Variants in HP1BP3 observed in about 807,000 individuals in gnomAD.
HP1BP3 encodes heterochromatin protein 1-binding protein 3.
A neutral mutation model predicts 62.5 loss-of-function variants in HP1BP3; 12 were observed. That is an observed-to-expected ratio of 0.19 (90% CI 0.12 to 0.31). The LOEUF (loss-of-function observed/expected upper bound fraction) is 0.31, where lower values mean the gene tolerates loss of function less well. HP1BP3 is among the 10% of genes least tolerant of loss of function. The pLI, the probability that HP1BP3 is intolerant of heterozygous loss-of-function variation, is 1.00. For synonymous variants in HP1BP3, 260 were observed against 237.8 expected, an observed-to-expected ratio of 1.09 and a Z score of -0.86; for missense variants, 502 against 651.8, an observed-to-expected ratio of 0.77 and a Z score of 2.50.
chr1:20,750,060 G>A lies in HP1BP3; in HGVS notation c.982-178C>T, dbSNP rs541253897. 5.8e-5 allele frequency: 74 copies of A among 1,278,458 alleles called. No individual in the cohort carries two copies. In the East Asian group the frequency reaches 2.0e-3, roughly 35 times the overall value. The allele number at this position is 1,278,458 out of a possible 1,614,324, so 79.2% of individuals were successfully genotyped here. On this transcript the variant is annotated intron_variant, in intron 9 of 12. Transcript: ENST00000438032. ...TTCAACAGGTATTCAATCTAACTGA[G>A]AAGTCCCAACCCTCCTATGGATATT...
intron 10 of HP1BP3, among the ~76,000 whole-genome samples, chr1:20,748,622 T>A (rs113858042): frequency 1.2e-3 from 187 of 152,120 alleles, no homozygotes; most frequent in African/African-American, 4.3e-3. Context: ...TAGCCAGGGG[T>A]GGTGGCAGGT....
Position 20,779,863 on chromosome 1 carries a change from G to A in HP1BP3, c.145C>T (p.Arg49Trp), listed in dbSNP as rs1001485418. Residue 49 changes from arginine (R) to tryptophan (W), a missense_variant, in exon 3 of 13, where the codon CGG becomes TGG. By Grantham distance (101) the Arg-to-Trp change is moderately radical. Transcript: ENST00000438032. ...MPIRRTVNST[R>W]ETPPKSKLAE... ...AGCTTGCTTTTGGGAGGAGTTTCCCGGGTAGAATTCACAGTTCGACGAATC... is the reference window on the plus strand; with the variant it reads ...AGCTTGCTTTTGGGAGGAGTTTCCCAGGTAGAATTCACAGTTCGACGAATC... 29 of 1,613,224 alleles carry A rather than the reference G, an allele frequency of 1.8e-5. No individual in the cohort carries two copies. The highest frequency in any genetic ancestry group is 2.7e-5 in the African/African-American group (2 of 74,848).
At chr1:20,747,081 A>C (rs139685143) in intron 11 of HP1BP3, among the ~76,000 whole-genome samples, 137 of 152,362 alleles carry the variant, frequency 9.0e-4, no homozygotes, top group African/African-American at 3.1e-3. Flanking sequence ...CTTGATAAAG[A>C]AGGAATGAAC....
chr1:20,780,411 G>A lies in HP1BP3; in HGVS notation c.30C>T (p.Leu10=), dbSNP rs753272691. MATDTSQGE[L]VHPKALPLIV... is the part of the protein sequence containing the mutation. Reference sequence around the variant, plus strand: ...TAAGTGGGAGTGCCTTAGGATGGACGAGTTCACCTTGAGACGTATCAGTCG... The same window carrying A: ...TAAGTGGGAGTGCCTTAGGATGGACAAGTTCACCTTGAGACGTATCAGTCG... Residue 10 remains leucine (L), a synonymous_variant, in exon 2 of 13, where the codon CTC becomes CTT. Coordinates refer to ENST00000438032, the MANE Select transcript of HP1BP3 (RefSeq NM_001372052.1). 10 of 1,613,622 alleles carry A rather than the reference G, an allele frequency of 6.2e-6. No homozygotes were observed. The highest frequency in any genetic ancestry group is 1.3e-5 in the African/African-American group (1 of 74,908).
intron 4 of HP1BP3, chr1:20,775,815 G>A (rs945199539): frequency 1.5e-6 from 1 of 645,828 alleles, no homozygotes; most frequent in Non-Finnish European, 2.5e-6. Context: ...TAAAGCCTAG[G>A]TATGTAGTAG....
chr1:20,779,315 T>C (rs771219558), intron 3 of HP1BP3, among the ~76,000 whole-genome samples: 3 of 152,164 alleles, frequency 2.0e-5, no homozygotes, highest in Non-Finnish European at 4.4e-5. Context: ...GTACTCCATG[T>C]TGATGGGTCT....
chr1:20,753,517 C>T (rs958351716), intron 9 of HP1BP3, among the ~76,000 whole-genome samples: 1 of 152,166 alleles, frequency 6.6e-6, no homozygotes, highest in East Asian at 1.9e-4. Context: ...TTTTTGTTGT[C>T]GTATATAATG....
intron 7 of HP1BP3, among the ~76,000 whole-genome samples, chr1:20,765,964 C>CA (rs34214380): frequency 0.073 from 5,041 of 69,158 alleles, 107 homozygotes; most frequent in Non-Finnish European, 0.081. Context: ...GACTCCGTCT[C>CA]AAAAAAAAAA....
intron 7 of HP1BP3, 94 bp downstream of exon 7, chr1:20,767,490 A>G (rs768850937): frequency 3.4e-5 from 29 of 853,890 alleles, no homozygotes; most frequent in Non-Finnish European, 5.1e-5. Context: ...AACCTTGCAT[A>G]GTGCCAGGCA....
intron 2 of HP1BP3, among the ~76,000 whole-genome samples, 157 bp downstream of exon 2, chr1:20,780,188 G>C (rs1466192792): frequency 2.0e-5 from 3 of 152,180 alleles, no homozygotes; most frequent in African/African-American, 7.2e-5. Context: ...TCAGGAATTT[G>C]AGGGGAAAGG....
chr1:20,753,002 C>T (rs2055870721), intron 9 of HP1BP3, among the ~76,000 whole-genome samples: 1 of 151,724 alleles, frequency 6.6e-6, no homozygotes, highest in Non-Finnish European at 1.5e-5. Context: ...AGTGCAGTGG[C>T]GTGATCTTGG....
At position 20,765,445 on chromosome 1, in the gene HP1BP3, T is replaced by C; in HGVS notation, c.822A>G (p.Lys274=). 6.2e-7 allele frequency: 1 copy of C among 1,613,510 alleles called. No individual in the cohort carries two copies. Reference sequence around the variant, plus strand: ...TCCTGATGAGACTGTAGGAAGCTTCTTTAGGTTCACAAAGGCGAGTAAAGG... The same window carrying C: ...TCCTGATGAGACTGTAGGAAGCTTCCTTAGGTTCACAAAGGCGAGTAAAGG... ...PLAFTRLCEP[K]EASYSLIRKY... The change falls in exon 8 of 13, where the codon AAA becomes AAG. Residue 274 remains lysine (K), a synonymous_variant. Transcript: ENST00000438032.
intron 1 of HP1BP3, chr1:20,786,114 C>T (rs1254353321): frequency 6.6e-6 from 1 of 152,228 alleles, no homozygotes; most frequent in Non-Finnish European, 1.5e-5. Flanking sequence ...AACTCTTTCT[C>T]AAAAAGGTTA....
intron 11 of HP1BP3, among the ~76,000 whole-genome samples, chr1:20,747,045 C>T (rs2055383756): frequency 6.6e-6 from 1 of 152,148 alleles, no homozygotes. Context: ...ATACATAATC[C>T]TCTAAGAATC....
chr1:20,786,944 C>T lies in HP1BP3; in HGVS notation c.-101+251G>A, dbSNP rs996087043. ...TCCAAACAAAACAAGGGCGGGAGCG[C>T]GCGCGCCGGAGGGCCCCTGAGGAGG... On this transcript the variant is annotated intron_variant, in intron 1 of 12. Transcript: ENST00000438032. Among the ~76,000 whole-genome samples, 3 of 152,062 alleles carry T rather than the reference C, an allele frequency of 2.0e-5. 1 individual carries two copies. The highest frequency in any genetic ancestry group is 7.2e-5 in the African/African-American group (3 of 41,418).
At chr1:20,763,603 A>C (rs1182602557) in intron 8 of HP1BP3, among the ~76,000 whole-genome samples, 1 of 152,226 alleles carries the variant, frequency 6.6e-6, no homozygotes, top group African/African-American at 2.4e-5. Context: ...TGGATTAAAC[A>C]TAATTTTCTA....
intron 4 of HP1BP3, chr1:20,776,006 C>A (rs1297982147): frequency 2.2e-6 from 3 of 1,394,156 alleles, no homozygotes; most frequent in South Asian, 1.5e-5. Context: ...ATCAGCTCTC[C>A]TGCAAAAAAA....
At chr1:20,755,257 TGAG>T (rs916569919) in intron 9 of HP1BP3, 14 of 350,978 alleles carry the variant, frequency 4.0e-5, no homozygotes, top group African/African-American at 2.8e-4. Flanking sequence ...TAACAAACGT[TGAG>T]GAGGATATGG....
chr1:20,776,515 T>C, intron 4 of HP1BP3, 82 bp downstream of exon 4: 1 of 1,265,094 alleles, frequency 7.9e-7, no homozygotes, highest in Non-Finnish European at 1.1e-6. Flanking sequence ...TAAACCAATG[T>C]TATAACACTT....
Sources: gnomAD v4.1 joint callset for allele counts (sites outside exome capture counted in the v4.1 genomes callset) on GRCh38, gnomAD v4.1.1 for gene constraint, MANE v1.5 for transcripts, NCBI Gene and HGNC (gene_info 2026-07-23, HGNC 2026-07-21) for gene names.